PLCG1: variants seen among roughly 807,000 people sequenced by gnomAD.
The protein encoded by PLCG1 is 1-phosphatidylinositol 4,5-bisphosphate phosphodiesterase gamma-1.
PLCG1 carries 71 observed loss-of-function variants against 177.8 expected under a neutral mutation model. The ratio of observed to expected loss-of-function variants is 0.40; its 90% CI spans 0.33 to 0.49. The LOEUF is 0.49. Ranked by LOEUF, PLCG1 falls within the 20% of genes least tolerant of loss-of-function variation. The probability of loss-of-function intolerance (pLI) is 0.72; values close to 1 mark genes in which losing one functional copy is unlikely to be tolerated. For synonymous variants in PLCG1, 658 were observed against 647.9 expected (o/e 1.02, Z -0.24); for missense variants, 1,281 against 1,709.0 (o/e 0.75, Z 4.42).
chr20:41,170,776 C>G (rs901159802), intron 24 of PLCG1: 1 of 153,266 alleles, frequency 6.5e-6, no homozygotes, highest in Non-Finnish European at 1.5e-5. Context: ...TAAGAACTTG[C>G]AAGTGCCCTT....
chr20:41,161,646 G>A (rs1338270038), intron 4 of PLCG1, among the ~76,000 whole-genome samples: 1 of 152,076 alleles, frequency 6.6e-6, no homozygotes, highest in Non-Finnish European at 1.5e-5. Flanking sequence ...TCAGTGTGGC[G>A]CTCAGCCCCC....
Position 41,144,487 on chromosome 20 carries a change from C to T in PLCG1, c.217+6629C>T, listed in dbSNP as rs2034934905. On this transcript the variant is annotated intron_variant, in intron 1 of 31. Coordinates refer to ENST00000685551, the MANE Select transcript of PLCG1 (RefSeq NM_002660.3). The surrounding 1 kb of genome is among the most constrained non-coding windows in gnomAD (Gnocchi z 4.1). ...ACAACACCGGTGTCGAGATGCTTGG[C>T]CCACCCAGACCTTTCCCACACTCCT... Among the ~76,000 whole-genome samples, 2 of 152,242 alleles carry T rather than the reference C, an allele frequency of 1.3e-5. No individual in the cohort carries two copies. Among genetic ancestry groups the T allele is most frequent in the South Asian group, 4.1e-4 (2 of 4,828 alleles).
intron 1 of PLCG1, among the ~76,000 whole-genome samples, chr20:41,149,289 G>C (rs2035092141): frequency 6.6e-6 from 1 of 152,110 alleles, no homozygotes; most frequent in Non-Finnish European, 1.5e-5. Flanking sequence ...TGTATTCCAA[G>C]TATCTAGTTT....
intron 1 of PLCG1, among the ~76,000 whole-genome samples, chr20:41,152,864 G>A (rs2035208585): frequency 1.3e-5 from 2 of 152,268 alleles, no homozygotes; most frequent in Admixed American, 1.3e-4. Flanking sequence ...CCTGGTGGGG[G>A]CTTAAGTGAG....
intron 4 of PLCG1, 94 bp from the exon 5 acceptor site, chr20:41,162,358 T>C (rs961061875): frequency 1.1e-6 from 1 of 886,410 alleles, no homozygotes; most frequent in South Asian, 1.4e-5. Flanking sequence ...CAGAATAGTG[T>C]TGTTTACCTG....
rs2035631051 is a variant in PLCG1, at chr20:41,164,953, T to C, written c.1238T>C (p.Ile413Thr). The change falls in exon 13 of 32, where the codon ATT (isoleucine) becomes ACT (threonine). Residue 413 changes from isoleucine (I) to threonine (T), a missense_variant. Physicochemically the swap from Ile to Thr is moderately conservative, Grantham distance 89. Transcript: ENST00000685551. The surrounding 1 kb of genome is among the most constrained non-coding windows in gnomAD (Gnocchi z 6.4). ...VASEYPVILS[I>T]EDHCSIAQQR... ...CGCAGGTACCCAGTCATCCTGTCCA[T>C]TGAGGACCACTGCAGCATTGCCCAG... The C allele has an allele frequency of 6.2e-7, 1 of 1,614,124 alleles. No individual in the cohort carries two copies. Among genetic ancestry groups the C allele is most frequent in the Non-Finnish European group, 8.5e-7 (1 of 1,179,980 alleles).
At chr20:41,142,231 C>T (rs1028727972) in intron 1 of PLCG1, among the ~76,000 whole-genome samples, 1 of 152,208 alleles carries the variant, frequency 6.6e-6, no homozygotes, top group Non-Finnish European at 1.5e-5. Context: ...TACTGAGGCA[C>T]CTGTCTGTGC....
At chr20:41,161,330 G>A (rs1000700898) in intron 4 of PLCG1, among the ~76,000 whole-genome samples, 4 of 152,208 alleles carry the variant, frequency 2.6e-5, no homozygotes, top group Admixed American at 2.0e-4. Context: ...AAGGGAATGA[G>A]AGGGAGCAAG....
rs917443639 is a variant in PLCG1 at position 41,144,318 on chromosome 20, G to T, written c.217+6460G>T. ...GGGGAAAATGATAATAGGATGGACCGTTCTATAGGAACAGAGGGTTATTTT... is the reference window on the plus strand; with the variant it reads ...GGGGAAAATGATAATAGGATGGACCTTTCTATAGGAACAGAGGGTTATTTT... On this transcript the variant is annotated intron_variant, in intron 1 of 31. Transcript: ENST00000685551. The surrounding 1 kb of genome is among the most constrained non-coding windows in gnomAD (Gnocchi z 4.1). Among the ~76,000 whole-genome samples the T allele has an allele frequency of 2.0e-5, 3 of 152,200 alleles. No homozygotes were observed. The East Asian group carries it at 5.8e-4, about 29-fold the overall frequency.
rs146160873 is a variant in PLCG1, at chr20:41,174,139, C to T, written c.3661C>T (p.Leu1221Phe). 21 of 1,613,760 alleles carry T rather than the reference C, an allele frequency of 1.3e-5. No individual in the cohort carries two copies. The highest frequency in any genetic ancestry group is 1.8e-5 in the Non-Finnish European group (21 of 1,179,698). ...IFPAKQENGD[L>F]SPFSGTSLRE... ...TTCGTTGAAGCAGGAGAATGGTGAC[C>T]TCAGTCCCTTCAGTGGTACGTCCCT... The change falls in exon 31 of 32, where the codon CTC becomes TTC. Residue 1221 changes from leucine (L) to phenylalanine (F), a missense_variant. Leu to Phe is a conservative substitution (Grantham distance 22, BLOSUM62 0). Coordinates refer to ENST00000685551, the MANE Select transcript of PLCG1 (RefSeq NM_002660.3). This position sits in a 1 kb window ranked among gnomAD's most constrained non-coding sequence, Gnocchi z 5.8.
At position 41,167,009 on chromosome 20, in the gene PLCG1, G is replaced by A. The variant is rs1716871509; in HGVS notation, c.2301+150G>A. 2 of 696,204 alleles carry A rather than the reference G, an allele frequency of 2.9e-6. No homozygotes were observed. Among genetic ancestry groups the A allele is most frequent in the Admixed American group, 4.8e-5 (2 of 41,858 alleles). 43.1% of individuals were successfully genotyped at this position (696,204 alleles called of 1,614,324 possible). A position where few individuals can be genotyped will look rare whatever the true frequency, so the allele number is the denominator to read the frequency against. ...ACTCCAGCTGGGAGCCACAGTGTGG[G>A]TACCAGGAGGGTGTCTGCAGGAGGG... On this transcript the variant is annotated intron_variant, in intron 19 of 31. Transcript: ENST00000685551. The surrounding 1 kb of genome is among the most constrained non-coding windows in gnomAD (Gnocchi z 4.4).
rs979848246 is a variant in PLCG1, at chr20:41,162,806, C to G, written c.681+81C>G. On this transcript the variant is annotated intron_variant, in intron 6 of 31. Coordinates refer to ENST00000685551, the MANE Select transcript of PLCG1 (RefSeq NM_002660.3). ...CCCAGCTCTGCCTGCCTCAGCCCTGCTGCCCTGCTTAGGGGCTTTTGGGTG... is the reference window on the plus strand; with the variant it reads ...CCCAGCTCTGCCTGCCTCAGCCCTGGTGCCCTGCTTAGGGGCTTTTGGGTG... 1.4e-5 allele frequency: 20 copies of G among 1,395,388 alleles called. No homozygotes were observed. In the African/African-American group the frequency reaches 2.1e-4, roughly 15 times the overall value. The allele number at this position is 1,395,388 out of a possible 1,614,324, so 86.4% of individuals were successfully genotyped here. A position where few individuals can be genotyped will look rare whatever the true frequency, so the allele number is the denominator to read the frequency against.
Position 41,160,217 on chromosome 20 carries a change from G to A in PLCG1, c.512+64G>A. The stretch of plus-strand genomic sequence containing the variant: ...GATGGGCATCCAGAACCTTAGCCAG[G>A]CCTCTAAGTAGCTGCCCGGAGAGCC... On this transcript the variant is annotated intron_variant, in intron 4 of 31. Coordinates refer to ENST00000685551, the MANE Select transcript of PLCG1 (RefSeq NM_002660.3). The surrounding 1 kb of genome is among the most constrained non-coding windows in gnomAD (Gnocchi z 5.5). 1.4e-6 allele frequency: 2 copies of A among 1,456,726 alleles called. No individual in the cohort carries two copies. The highest frequency in any genetic ancestry group is 1.9e-6 in the Non-Finnish European group (2 of 1,039,496). 90.2% of individuals were successfully genotyped at this position (1,456,726 alleles called of 1,614,324 possible).
In PLCG1 at chr20:41,155,862, G is replaced by A. The variant is rs755936389; in HGVS notation, c.218-3744G>A. Among the ~76,000 whole-genome samples the A allele has an allele frequency of 7.7e-4, 117 of 152,234 alleles. 1 individual carries two copies. The highest frequency in any genetic ancestry group is 6.3e-4 in the Non-Finnish European group (43 of 68,020). On this transcript the variant is annotated intron_variant, in intron 1 of 31. Transcript: ENST00000685551. Reference sequence around the variant, plus strand: ...AGGTAAGAGGAATTTCCAGTTTCCTGATGGGGAAACTGAGACCAAAAGAGT... The same window carrying A: ...AGGTAAGAGGAATTTCCAGTTTCCTAATGGGGAAACTGAGACCAAAAGAGT...
intron 1 of PLCG1, among the ~76,000 whole-genome samples, chr20:41,138,607 C>T (rs972992396): frequency 6.6e-6 from 1 of 151,916 alleles, no homozygotes; most frequent in African/African-American, 2.4e-5. Flanking sequence ...AGGAGATGGG[C>T]CCCATAAAGG....
At chr20:41,142,959 A>C (rs1568724888) in intron 1 of PLCG1, among the ~76,000 whole-genome samples, 1 of 152,154 alleles carries the variant, frequency 6.6e-6, no homozygotes, top group African/African-American at 2.4e-5. Flanking sequence ...GTGCCTGGCC[A>C]CCAAGCCCTT....
rs374401523 is a variant in PLCG1, at chr20:41,163,588, T to C, written c.891+109T>C. On this transcript the variant is annotated intron_variant, in intron 9 of 31. Transcript: ENST00000685551. This position sits in a 1 kb window ranked among gnomAD's most constrained non-coding sequence, Gnocchi z 5.2. ...CTCCTTAGGGATGCCACCTTGTTTC[T>C]ACCTACTGTGCACCTTGCCCACCCC... is the stretch of plus-strand genomic sequence containing the variant. 101 of 1,054,960 alleles carry C rather than the reference T, an allele frequency of 9.6e-5. 1 individual carries two copies. In the East Asian group the frequency reaches 1.4e-3, roughly 15 times the overall value. 65.3% of individuals were successfully genotyped at this position (1,054,960 alleles called of 1,614,324 possible). A position where few individuals can be genotyped will look rare whatever the true frequency, so the allele number is the denominator to read the frequency against.
At position 41,176,126 on chromosome 20, in the gene PLCG1, C is replaced by T. The variant is rs1321609713; in HGVS notation, c.*1617C>T. ...AGCTGAAATCTCTGGGCCCTTTCAA[C>T]ACAGTTGAAAGGCCCTTCTCTTCCT... On this transcript the variant is annotated 3_prime_UTR_variant, in exon 32 of 32. Coordinates refer to ENST00000685551, the MANE Select transcript of PLCG1 (RefSeq NM_002660.3). 1.3e-5 allele frequency: 2 copies of T among 152,172 alleles called. No individual in the cohort carries two copies. Among genetic ancestry groups the T allele is most frequent in the African/African-American group, 4.8e-5 (2 of 41,442 alleles). 9.4% of individuals were successfully genotyped at this position (152,172 alleles called of 1,614,324 possible).
At chr20:41,152,636 T>C (rs1387028355) in intron 1 of PLCG1, among the ~76,000 whole-genome samples, 1 of 152,374 alleles carries the variant, frequency 6.6e-6, no homozygotes, top group East Asian at 1.9e-4. Context: ...AACTCCCATG[T>C]GTTTACTCCT....
Sources: allele counts gnomAD v4.1 joint callset (sites outside exome capture counted in the v4.1 genomes callset), GRCh38; gene constraint gnomAD v4.1.1; non-coding constraint Gnocchi (gnomAD v3.1); transcripts MANE v1.5; gene names NCBI Gene and HGNC (gene_info 2026-07-23, HGNC 2026-07-21).